The following ANO2 variants were observed in gnomAD, a reference collection of about 807,000 sequenced individuals.
The protein encoded by ANO2 is anoctamin 2, also known as anoctamin-2.
Under a neutral mutation model 124.2 loss-of-function variants are expected in ANO2, and 101 were observed. That is an observed-to-expected ratio of 0.81 (90% confidence interval 0.69 to 0.96). The LOEUF (loss-of-function observed/expected upper bound fraction) is 0.96. Ranked by LOEUF, ANO2 falls within the 40% of genes least tolerant of loss-of-function variation. The pLI, the probability that ANO2 is intolerant of heterozygous loss-of-function variation, is 0.00. For synonymous variants in ANO2, 486 were observed against 482.5 expected (o/e 1.01, Z -0.09); for missense variants, 1,293 against 1,274.5 (o/e 1.01, Z -0.22).
intron 3 of ANO2, among the ~76,000 whole-genome samples, chr12:5,880,864 ATGAG>A (rs1938444738): frequency 2.0e-5 from 3 of 147,990 alleles, no homozygotes; most frequent in African/African-American, 2.5e-5. Flanking sequence ...GGATAGATGG[ATGAG>A]TGGATGGGTG....
chr12:5,623,968 CCAGCCAGCTGGGTAACAAGG>C, intron 16 of ANO2, among the ~76,000 whole-genome samples: 1 of 152,222 alleles, frequency 6.6e-6, no homozygotes, highest in African/African-American at 2.4e-5. Context: ...CTAGGAGAAG[CCAGCCAGCTGGGTAACAAGG>C]CAGCCAGCGC....
intron 13 of ANO2, among the ~76,000 whole-genome samples, chr12:5,738,473 A>G (rs1453566435): frequency 6.6e-6 from 1 of 152,092 alleles, no homozygotes; most frequent in Non-Finnish European, 1.5e-5. Flanking sequence ...CACCCACGAT[A>G]TCCACACTAT....
intron 14 of ANO2, among the ~76,000 whole-genome samples, chr12:5,708,184 C>T (rs1949686046): frequency 6.6e-6 from 1 of 152,192 alleles, no homozygotes; most frequent in Admixed American, 6.5e-5. Flanking sequence ...GAGTAATCTT[C>T]AGTCGTATCT....
At chr12:5,584,088 G>T in intron 20 of ANO2, 1 of 242,784 alleles carries the variant, frequency 4.1e-6, no homozygotes. Context: ...AAACAAATAA[G>T]CCATTCTCTT....
At chr12:5,594,160 A>C (rs1401787429) in intron 20 of ANO2, among the ~76,000 whole-genome samples, 1 of 152,230 alleles carries the variant, frequency 6.6e-6, no homozygotes, top group Admixed American at 6.5e-5. Context: ...TTCCTCTTCC[A>C]GATAAGATTG....
Position 5,789,955 on chromosome 12 carries a change from G to T in ANO2, c.1055+9552C>A, listed in dbSNP as rs371254133. On this transcript the variant is annotated intron_variant, in intron 10 of 24. Transcript: ENST00000682330. ...AGGGAATATTATTAGGAGGACTGAGGTGCTCAGGGGTTCCAGGGACACGTG... is the reference window on the plus strand; with the variant it reads ...AGGGAATATTATTAGGAGGACTGAGTTGCTCAGGGGTTCCAGGGACACGTG... 1.1e-4 allele frequency among the ~76,000 whole-genome samples: 16 copies of T among 152,304 alleles called. No homozygotes were observed. In the South Asian group the frequency reaches 1.7e-3, roughly 16 times the overall value.
At chr12:5,882,948 G>A (rs1425800516) in intron 3 of ANO2, among the ~76,000 whole-genome samples, 1 of 152,134 alleles carries the variant, frequency 6.6e-6, no homozygotes, top group Non-Finnish European at 1.5e-5. Context: ...AGAACTGAAT[G>A]GGGAGATATG....
chr12:5,634,497 G>A lies in ANO2; in HGVS notation c.1816+655C>T, dbSNP rs1236664015. 1.3e-5 allele frequency among the ~76,000 whole-genome samples: 2 copies of A among 152,180 alleles called. 1 individual carries two copies. Among genetic ancestry groups the A allele is most frequent in the East Asian group, 3.8e-4 (2 of 5,202 alleles). On this transcript the variant is annotated intron_variant, in intron 16 of 24. Transcript: ENST00000682330. ...AATACAATGGGACAGGGTCTTGACT[G>A]TCAGCCTCCCCCACCCAATAAGCAT...
Position 5,908,635 on chromosome 12 carries a change from C to T in ANO2, c.534+12405G>A, listed in dbSNP as rs572419780. 7.9e-5 allele frequency among the ~76,000 whole-genome samples: 12 copies of T among 152,274 alleles called. No homozygotes were observed. The highest frequency in any genetic ancestry group is 3.4e-3 in the Middle Eastern group (1 of 294). On this transcript the variant is annotated intron_variant, in intron 3 of 24. Transcript: ENST00000682330. The surrounding 1 kb of genome is among the most constrained non-coding windows in gnomAD (Gnocchi z 4.7). ...GCATTAGGCCATAAATGGCAATTTC[C>T]ATGAATCATCATGGAACCCTCTGAC...
chr12:5,581,244 G>A (rs1942740538), intron 20 of ANO2, among the ~76,000 whole-genome samples: 1 of 152,138 alleles, frequency 6.6e-6, no homozygotes, highest in South Asian at 2.1e-4. Context: ...TGATTCTAAT[G>A]AGCTCAGTTC....
At chr12:5,922,530 C>G (rs1334597129) in intron 2 of ANO2, 90 bp downstream of exon 2, 3 of 1,376,042 alleles carry the variant, frequency 2.2e-6, no homozygotes, top group Admixed American at 2.7e-5. Context: ...ACATGTGCTC[C>G]CAACTGGAGG....
chr12:5,573,400 G>A (rs1008896445), intron 23 of ANO2, among the ~76,000 whole-genome samples: 8 of 152,198 alleles, frequency 5.3e-5, no homozygotes, highest in Non-Finnish European at 7.3e-5. Flanking sequence ...TTTCCCACAC[G>A]ACAAGTCACA....
chr12:5,578,923 C>T (rs1942583071), intron 20 of ANO2, among the ~76,000 whole-genome samples: 2 of 152,300 alleles, frequency 1.3e-5, no homozygotes, highest in East Asian at 3.9e-4. Context: ...TCAACTCTGC[C>T]ATTATACAGT....
At chr12:5,804,748 T>C (rs1953139510) in intron 9 of ANO2, among the ~76,000 whole-genome samples, 1 of 152,240 alleles carries the variant, frequency 6.6e-6, no homozygotes, top group South Asian at 2.1e-4. Flanking sequence ...AACATATATA[T>C]TGTAAATAGT....
chr12:5,697,625 C>T (rs547143033), intron 14 of ANO2, among the ~76,000 whole-genome samples: 37 of 152,098 alleles, frequency 2.4e-4, no homozygotes, highest in Non-Finnish European at 3.7e-4. Context: ...GTGGGTGCAG[C>T]GCACCAAGCA....
intron 20 of ANO2, among the ~76,000 whole-genome samples, chr12:5,580,118 C>T (rs559095586): frequency 3.9e-5 from 6 of 152,266 alleles, no homozygotes; most frequent in South Asian, 2.1e-4. Flanking sequence ...TAGTAGGACT[C>T]CCCTACATAC....
intron 16 of ANO2, among the ~76,000 whole-genome samples, chr12:5,628,003 G>C (rs7138391): frequency 0.24 from 36,839 of 152,086 alleles, 5,286 homozygotes; most frequent in Admixed American, 0.35. Flanking sequence ...AGGAGGCTGA[G>C]GTGGGAGGAT....
intron 7 of ANO2, among the ~76,000 whole-genome samples, chr12:5,827,149 G>A (rs6489661): frequency 0.8 from 122,275 of 152,188 alleles, 50,291 homozygotes; most frequent in Non-Finnish European, 0.89. Context: ...CACACAATCC[G>A]TCAGGATCTG....
At chr12:5,875,493 AC>A (rs2137288193) in intron 3 of ANO2, among the ~76,000 whole-genome samples, 1 of 152,276 alleles carries the variant, frequency 6.6e-6, no homozygotes, top group East Asian at 1.9e-4. Flanking sequence ...CTCCTCCCAC[AC>A]TAACCATCCC....
Sources: allele counts gnomAD v4.1 joint callset (sites outside exome capture counted in the v4.1 genomes callset), GRCh38; gene constraint gnomAD v4.1.1; non-coding constraint Gnocchi (gnomAD v3.1); transcripts MANE v1.5; gene names NCBI Gene and HGNC (gene_info 2026-07-23, HGNC 2026-07-21).